The following EDIL3 variants were observed in gnomAD, a reference collection of about 807,000 sequenced individuals.
The protein encoded by EDIL3 is EGF-like repeat and discoidin I-like domain-containing protein 3.
A neutral mutation model predicts 67.4 loss-of-function variants in EDIL3; 37 were observed. The ratio of observed to expected loss-of-function variants is 0.55; its 90% CI spans 0.42 to 0.72. EDIL3 has a LOEUF of 0.72. Ranked by LOEUF, EDIL3 falls within the 30% of genes least tolerant of loss-of-function variation. The pLI is 0.00. For missense variants in EDIL3, 527 were observed against 586.3 expected, an observed-to-expected ratio of 0.90 and a Z score of 1.04; for synonymous variants, 195 against 196.3, an observed-to-expected ratio of 0.99 and a Z score of 0.05.
intron 1 of EDIL3, among the ~76,000 whole-genome samples, chr5:84,291,383 A>T (rs1745911377): frequency 6.6e-6 from 1 of 152,148 alleles, no homozygotes; most frequent in African/African-American, 2.4e-5. Flanking sequence ...GCACTTTTTA[A>T]GACAGAGGTT....
At chr5:84,103,113 A>T (rs867003101) in intron 6 of EDIL3, among the ~76,000 whole-genome samples, 1 of 152,124 alleles carries the variant, frequency 6.6e-6, no homozygotes, top group South Asian at 2.1e-4. Context: ...AAAACAAGCT[A>T]TGGGGAAAGA....
intron 1 of EDIL3, among the ~76,000 whole-genome samples, chr5:84,365,681 C>T (rs963690767): frequency 3.9e-5 from 6 of 152,118 alleles, no homozygotes; most frequent in African/African-American, 7.2e-5. Context: ...TCTAGGATTG[C>T]TAACCTTTGC....
chr5:84,039,640 A>G (rs1377634159), intron 9 of EDIL3, among the ~76,000 whole-genome samples: 1 of 152,152 alleles, frequency 6.6e-6, no homozygotes, highest in Non-Finnish European at 1.5e-5. Context: ...AAATGAAAGC[A>G]AATGAGATGA....
At chr5:84,020,456 G>C (rs1745694571) in intron 9 of EDIL3, among the ~76,000 whole-genome samples, 1 of 151,972 alleles carries the variant, frequency 6.6e-6, no homozygotes, top group Non-Finnish European at 1.5e-5. Flanking sequence ...AGTCCAGAGA[G>C]GGTTACATTC....
intron 1 of EDIL3, among the ~76,000 whole-genome samples, chr5:84,317,544 G>C (rs377524697): frequency 2.0e-5 from 3 of 152,240 alleles, no homozygotes; most frequent in South Asian, 4.1e-4. Context: ...ACTAAACTAG[G>C]AAGAAGTCGA....
intron 3 of EDIL3, among the ~76,000 whole-genome samples, chr5:84,181,905 G>A (rs542641137): frequency 5.3e-5 from 8 of 152,280 alleles, no homozygotes; most frequent in African/African-American, 1.9e-4. Context: ...ATTAGAAAAG[G>A]AAAGCAAGGG....
chr5:84,149,130 G>A (rs1748341889), intron 4 of EDIL3, among the ~76,000 whole-genome samples: 1 of 151,968 alleles, frequency 6.6e-6, no homozygotes, highest in Admixed American at 6.6e-5. Flanking sequence ...GAGGGAGCTG[G>A]GAGTCTGGAG....
intron 9 of EDIL3, among the ~76,000 whole-genome samples, chr5:84,043,403 G>A (rs1746166317): frequency 6.6e-6 from 1 of 152,164 alleles, no homozygotes; most frequent in Admixed American, 6.5e-5. Flanking sequence ...ACACAGATAT[G>A]AACAAAAAAT....
chr5:84,156,336 A>G (rs1748489481), intron 4 of EDIL3, among the ~76,000 whole-genome samples: 1 of 152,102 alleles, frequency 6.6e-6, no homozygotes, highest in Admixed American at 6.6e-5. Context: ...GCTAGCCTGG[A>G]CCCTTTCCAC....
intron 9 of EDIL3, among the ~76,000 whole-genome samples, chr5:83,997,646 G>A (rs901597477): frequency 3.9e-5 from 6 of 152,254 alleles, no homozygotes; most frequent in African/African-American, 7.2e-5. Flanking sequence ...TACGAAAGTC[G>A]TCCACACTGA....
chr5:84,025,045 T>G (rs409486), intron 9 of EDIL3, among the ~76,000 whole-genome samples: 5 of 151,898 alleles, frequency 3.3e-5, no homozygotes, highest in African/African-American at 1.2e-4. Context: ...CTCCAGTAGA[T>G]ATTTTTGTGT....
intron 9 of EDIL3, among the ~76,000 whole-genome samples, chr5:84,019,545 A>C (rs1165162660): frequency 2.0e-5 from 3 of 152,096 alleles, no homozygotes; most frequent in African/African-American, 7.2e-5. Flanking sequence ...AAGTATAATA[A>C]AAATAAAAAA....
rs573744194 is a variant in EDIL3 at position 83,943,498 on chromosome 5, T to C, written c.1364A>G (p.His455Arg). The C allele has an allele frequency of 1.2e-6, 2 of 1,612,786 alleles. No homozygotes were observed. Among genetic ancestry groups the C allele is most frequent in the East Asian group, 4.5e-5 (2 of 44,708 alleles). Residue 455 changes from histidine to arginine, a missense_variant, in exon 11 of 11, where the codon CAC (histidine) becomes CGC (arginine). Coordinates refer to ENST00000296591, the MANE Select transcript of EDIL3 (RefSeq NM_005711.5). ...NVIDPPIYAR[H>R]IRILPWSWYG... ...CCAGGACCAAGGAAGGATTCTTATG[T>C]GTCGTGCATAGATGGGAGGGTCGAT...
In EDIL3 at chr5:84,319,494, C is replaced by CAAAAAAAAAAAAA. The variant is rs55738450; in HGVS notation, c.67+64801_67+64813dup. 1.4e-3 allele frequency among the ~76,000 whole-genome samples: 61 copies of CAAAAAAAAAAAAA among 42,804 alleles called. 1 individual carries two copies. Among genetic ancestry groups the CAAAAAAAAAAAAA allele is most frequent in the East Asian group, 2.8e-3 (5 of 1,784 alleles). 28.1% of individuals were successfully genotyped at this position (42,804 alleles called of 152,430 possible). ...AAAAAAAACAAAAAACAAAAAACAA[C>CAAAAAAAAAAAAA]AAAAAAAAAAAAAAAAAAAAAAAAA... On this transcript the variant is annotated intron_variant, in intron 1 of 10. Transcript: ENST00000296591.
chr5:84,371,562 G>A (rs1747856320), intron 1 of EDIL3, among the ~76,000 whole-genome samples: 1 of 148,888 alleles, frequency 6.7e-6, no homozygotes, highest in South Asian at 2.1e-4. Context: ...AAAAGCTAAG[G>A]GCAGAAATTT....
chr5:84,132,445 TAA>T (rs1747998329), intron 5 of EDIL3, among the ~76,000 whole-genome samples: 3 of 3,980 alleles, frequency 7.5e-4, no homozygotes, highest in Non-Finnish European at 2.2e-3. Context: ...ATATATATTT[TAA>T]CATATATTAT....
chr5:84,021,369 C>T (rs856444), intron 9 of EDIL3, among the ~76,000 whole-genome samples: 50,134 of 151,646 alleles, frequency 0.33, 9,692 homozygotes, highest in Non-Finnish European at 0.44. Context: ...TATATACTTC[C>T]TTCTTAGTAT....
chr5:84,194,575 A>T (rs1194954713), intron 3 of EDIL3, among the ~76,000 whole-genome samples: 1 of 151,978 alleles, frequency 6.6e-6, no homozygotes, highest in African/African-American at 2.4e-5. Context: ...TGTGTGTAAC[A>T]ATTTATTATA....
intron 4 of EDIL3, among the ~76,000 whole-genome samples, chr5:84,173,174 A>G (rs1489681158): frequency 6.6e-6 from 1 of 152,180 alleles, no homozygotes; most frequent in Non-Finnish European, 1.5e-5. Context: ...GGGGCCCACC[A>G]CATGAGTATG....
Sources: allele counts gnomAD v4.1 joint callset (sites outside exome capture counted in the v4.1 genomes callset), GRCh38; gene constraint gnomAD v4.1.1; transcripts MANE v1.5; gene names NCBI Gene and HGNC (gene_info 2026-07-23, HGNC 2026-07-21).